The following GPR176 variants were observed in gnomAD, a reference collection of about 807,000 sequenced individuals.
GPR176 encodes the protein G protein-coupled receptor 176, also known as G-protein coupled receptor 176.
GPR176 carries 26 observed loss-of-function variants against 35.4 expected under a neutral mutation model. The observed-to-expected ratio is 0.74, with a 90% confidence interval of 0.54 to 1.02. The LOEUF (loss-of-function observed/expected upper bound fraction) is 1.02, where lower values mean the gene tolerates loss of function less well. GPR176 is among the 50% of genes least tolerant of loss of function. The pLI is 0.00. For missense variants in GPR176, 597 were observed against 665.3 expected, an observed-to-expected ratio of 0.90 and a Z score of 1.13; for synonymous variants, 278 against 271.3, an observed-to-expected ratio of 1.02 and a Z score of -0.24.
At chr15:39,840,299 G>A (rs1901661808) in intron 1 of GPR176, among the ~76,000 whole-genome samples, 1 of 152,174 alleles carries the variant, frequency 6.6e-6, no homozygotes, top group African/African-American at 2.4e-5. Context: ...ATTCTATGCA[G>A]CCATAAAAAA....
At chr15:39,892,796 G>C (rs573865173) in intron 1 of GPR176, among the ~76,000 whole-genome samples, 1 of 152,206 alleles carries the variant, frequency 6.6e-6, no homozygotes. Context: ...CAGCCCTGCC[G>C]GCAGCTTGAT....
At chr15:39,829,002 T>C (rs1018169672) in intron 1 of GPR176, 17 of 698,594 alleles carry the variant, frequency 2.4e-5, no homozygotes, top group Non-Finnish European at 2.6e-6. Flanking sequence ...CATGTGATAT[T>C]TGCAAGAACT....
chr15:39,819,998 G>T lies in GPR176; in HGVS notation c.173-12740C>A, dbSNP rs549253141. 3.3e-5 allele frequency among the ~76,000 whole-genome samples: 5 copies of T among 152,280 alleles called. No homozygotes were observed. In the East Asian group the frequency reaches 5.8e-4, roughly 18 times the overall value. On this transcript the variant is annotated intron_variant, in intron 1 of 2. Transcript: ENST00000561100. Reference sequence around the variant, plus strand: ...TAGCTGAATTTAGTAGGCAAGGCAGGAGAAAAAGGAGAGGCCTGAGGGTAA... The same window carrying T: ...TAGCTGAATTTAGTAGGCAAGGCAGTAGAAAAAGGAGAGGCCTGAGGGTAA...
intron 1 of GPR176, among the ~76,000 whole-genome samples, chr15:39,898,504 G>C (rs1037828019): frequency 3.3e-5 from 5 of 152,212 alleles, no homozygotes; most frequent in African/African-American, 1.2e-4. Context: ...TGAAGAATGA[G>C]AGGAGATAGC....
intron 1 of GPR176, among the ~76,000 whole-genome samples, chr15:39,862,690 T>C (rs2031652729): frequency 6.6e-6 from 1 of 152,232 alleles, no homozygotes; most frequent in Non-Finnish European, 1.5e-5. Flanking sequence ...TTTGTGGTGA[T>C]GCTGGTGTGA....
intron 1 of GPR176, among the ~76,000 whole-genome samples, chr15:39,843,819 A>C (rs2030205560): frequency 6.6e-6 from 1 of 152,172 alleles, no homozygotes; most frequent in South Asian, 2.1e-4. Flanking sequence ...AATGCAGGCA[A>C]CAAGTGCTAT....
intron 1 of GPR176, among the ~76,000 whole-genome samples, chr15:39,902,100 T>C (rs2033296445): frequency 1.3e-5 from 2 of 151,866 alleles, no homozygotes; most frequent in East Asian, 3.9e-4. Flanking sequence ...AACGAAAAAA[T>C]AGACTCCAAG....
rs74008983 is a variant in GPR176 at position 39,878,746 on chromosome 15, G to C, written c.172+41109C>G. 9.8e-3 allele frequency among the ~76,000 whole-genome samples: 1,487 copies of C among 152,258 alleles called. 26 individuals are homozygous for C. The highest frequency in any genetic ancestry group is 0.032 in the African/African-American group (1,310 of 41,536). On this transcript the variant is annotated intron_variant, in intron 1 of 2. Coordinates refer to ENST00000561100, the MANE Select transcript of GPR176 (RefSeq NM_007223.3). ...TTCCAATTAATTTACATTCATACCA[G>C]TGTACGAGGTTTCCTGCCTTTAGTT...
chr15:39,915,061 AG>A (rs139749974), intron 1 of GPR176, among the ~76,000 whole-genome samples: 1,746 of 152,370 alleles, frequency 0.011, 32 homozygotes, highest in African/African-American at 0.04. Context: ...ATCAAGCCAC[AG>A]GCAAGTTGGA....
intron 1 of GPR176, among the ~76,000 whole-genome samples, chr15:39,848,098 A>G (rs2030577310): frequency 6.6e-6 from 1 of 152,148 alleles, no homozygotes; most frequent in African/African-American, 2.4e-5. Flanking sequence ...AACCACCTTC[A>G]TGATTCAATC....
intron 1 of GPR176, among the ~76,000 whole-genome samples, chr15:39,856,022 A>C (rs552315347): frequency 3.9e-5 from 6 of 152,320 alleles, no homozygotes; most frequent in African/African-American, 1.4e-4. Flanking sequence ...TCACTTGACC[A>C]ATATCACCTA....
chr15:39,900,393 TA>T (rs1404062468), intron 1 of GPR176, among the ~76,000 whole-genome samples: 1 of 152,208 alleles, frequency 6.6e-6, no homozygotes, highest in Non-Finnish European at 1.5e-5. Context: ...AGACTCATGT[TA>T]AGATTACAAG....
At chr15:39,857,342 T>G (rs765779258) in intron 1 of GPR176, among the ~76,000 whole-genome samples, 3 of 152,008 alleles carry the variant, frequency 2.0e-5, no homozygotes, top group Non-Finnish European at 4.4e-5. Flanking sequence ...ATAATAATAC[T>G]GAATCACTGA....
intron 1 of GPR176, among the ~76,000 whole-genome samples, chr15:39,886,618 A>C (rs929776706): frequency 6.6e-6 from 1 of 152,256 alleles, no homozygotes; most frequent in Non-Finnish European, 1.5e-5. Context: ...TTAGAGTGAC[A>C]AAGCTTGAGT....
intron 1 of GPR176, among the ~76,000 whole-genome samples, chr15:39,902,006 C>T (rs1038871727): frequency 2.0e-5 from 3 of 152,028 alleles, no homozygotes; most frequent in African/African-American, 7.3e-5. Flanking sequence ...ATCGCTTGAA[C>T]CCAGGAGGCA....
chr15:39,881,676 T>C (rs2032480429), intron 1 of GPR176, among the ~76,000 whole-genome samples: 1 of 152,194 alleles, frequency 6.6e-6, no homozygotes, highest in Non-Finnish European at 1.5e-5. Flanking sequence ...TTTCTCACTG[T>C]TACTAATGTG....
chr15:39,915,940 C>T (rs2140882174), intron 1 of GPR176, among the ~76,000 whole-genome samples: 1 of 152,268 alleles, frequency 6.6e-6, no homozygotes, highest in African/African-American at 2.4e-5. Context: ...GGTTATTGCC[C>T]ACCATGTTAA....
At chr15:39,916,384 C>T (rs768638830) in intron 1 of GPR176, among the ~76,000 whole-genome samples, 1 of 152,062 alleles carries the variant, frequency 6.6e-6, no homozygotes, top group African/African-American at 2.4e-5. Context: ...ACGCAAACCC[C>T]CAAAATACAT....
chr15:39,902,247 T>C (rs1297590439), intron 1 of GPR176, among the ~76,000 whole-genome samples: 1 of 152,146 alleles, frequency 6.6e-6, no homozygotes, highest in Non-Finnish European at 1.5e-5. Flanking sequence ...GCAGGGTGAT[T>C]TACCAGCACT....
Sources: gnomAD v4.1 joint callset for allele counts (sites outside exome capture counted in the v4.1 genomes callset) on GRCh38, gnomAD v4.1.1 for gene constraint, MANE v1.5 for transcripts, NCBI Gene and HGNC (gene_info 2026-07-23, HGNC 2026-07-21) for gene names.